Variants in GRIK4 observed in about 807,000 individuals in gnomAD.
GRIK4 encodes glutamate receptor ionotropic, kainate 4.
Under a neutral mutation model 104.9 loss-of-function variants are expected in GRIK4, and 40 were observed. The ratio of observed to expected loss-of-function variants is 0.38; its 90% CI spans 0.30 to 0.50. The LOEUF is 0.50. GRIK4 is among the 20% of genes least tolerant of loss of function. The pLI is 0.93. For missense variants in GRIK4, 1,047 were observed against 1,308.1 expected (o/e 0.80, Z 3.08); for synonymous variants, 485 against 524.9 (o/e 0.92, Z 1.04).
Position 120,513,480 on chromosome 11 carries a change from G to A in GRIK4, c.-159+1593G>A, listed in dbSNP as rs1947686359. ...ATGGCAGCCCCTGGAATTCCACTGG[G>A]CGTCATCATGCTGGCTTTATTTGCT... On this transcript the variant is annotated intron_variant, in intron 1 of 20. Transcript: ENST00000527524. This position sits in a 1 kb window ranked among gnomAD's most constrained non-coding sequence, Gnocchi z 4.5. Among the ~76,000 whole-genome samples the A allele has an allele frequency of 6.6e-6, 1 of 152,160 alleles. No individual in the cohort carries two copies. Among genetic ancestry groups the A allele is most frequent in the South Asian group, 2.1e-4 (1 of 4,834 alleles).
intron 3 of GRIK4, among the ~76,000 whole-genome samples, chr11:120,716,255 G>T: frequency 7.2e-6 from 1 of 138,920 alleles, no homozygotes; most frequent in Admixed American, 7.1e-5. Context: ...TTGGGGGGTG[G>T]GTGGGCGGGA....
chr11:120,662,016 A>G (rs1437479394), intron 3 of GRIK4, among the ~76,000 whole-genome samples: 1 of 152,188 alleles, frequency 6.6e-6, no homozygotes, highest in Non-Finnish European at 1.5e-5. Context: ...CCCTCTCTAA[A>G]TGAGTGAATA....
chr11:120,982,783 C>T (rs1944673843), intron 20 of GRIK4, among the ~76,000 whole-genome samples: 1 of 152,166 alleles, frequency 6.6e-6, no homozygotes, highest in Non-Finnish European at 1.5e-5. Flanking sequence ...ATCTCAGTCT[C>T]CCAACTCTGA....
Position 120,531,823 on chromosome 11 carries a change from G to T in GRIK4, c.-159+19936G>T, listed in dbSNP as rs146121986. On this transcript the variant is annotated intron_variant, in intron 1 of 20. Coordinates refer to ENST00000527524, the MANE Select transcript of GRIK4 (RefSeq NM_014619.5). ...ACTCCTGACCTCAGATGATCCACCC[G>T]CCTTGGTCTCCTAAGGTGCTGGGAT... Among the ~76,000 whole-genome samples, 143 of 152,174 alleles carry T rather than the reference G, an allele frequency of 9.4e-4. 3 individuals are homozygous for T. In the East Asian group the frequency reaches 0.026, roughly 27 times the overall value.
Position 120,590,182 on chromosome 11 carries a change from C to T in GRIK4, c.-158-63503C>T, listed in dbSNP as rs751092432. 1.6e-4 allele frequency among the ~76,000 whole-genome samples: 24 copies of T among 152,288 alleles called. 1 individual carries two copies. The Middle Eastern group carries it at 0.01, about 65-fold the overall frequency. On this transcript the variant is annotated intron_variant, in intron 1 of 20. Coordinates refer to ENST00000527524, the MANE Select transcript of GRIK4 (RefSeq NM_014619.5). Reference sequence around the variant, plus strand: ...AGCCTTCACCTTACCCCTGACCCTGCACCCTACTCATGACCCTGCACCTTG... The same window carrying T: ...AGCCTTCACCTTACCCCTGACCCTGTACCCTACTCATGACCCTGCACCTTG...
At chr11:120,520,819 C>T (rs1947788128) in intron 1 of GRIK4, among the ~76,000 whole-genome samples, 1 of 152,138 alleles carries the variant, frequency 6.6e-6, no homozygotes, top group Non-Finnish European at 1.5e-5. Flanking sequence ...CGTTATTGCT[C>T]CTGACAGCAT....
intron 7 of GRIK4, among the ~76,000 whole-genome samples, chr11:120,834,006 C>A (rs949077194): frequency 1.3e-5 from 2 of 152,162 alleles, no homozygotes; most frequent in Non-Finnish European, 2.9e-5. Flanking sequence ...TGTTTCAAAT[C>A]TTTTGCTACA....
chr11:120,978,429 C>T (rs186529235), intron 19 of GRIK4, among the ~76,000 whole-genome samples: 158 of 152,066 alleles, frequency 1.0e-3, no homozygotes, highest in African/African-American at 3.6e-3. Flanking sequence ...AGGTTCCAGG[C>T]AGAGGAATTA....
At chr11:120,591,818 T>A (rs1948737170) in intron 1 of GRIK4, among the ~76,000 whole-genome samples, 1 of 152,208 alleles carries the variant, frequency 6.6e-6, no homozygotes, top group Non-Finnish European at 1.5e-5. Flanking sequence ...AGTCCATGCC[T>A]CTTCCTCCTG....
chr11:120,674,958 T>C (rs1565288380), intron 3 of GRIK4, among the ~76,000 whole-genome samples: 1 of 152,234 alleles, frequency 6.6e-6, no homozygotes, highest in Non-Finnish European at 1.5e-5. Flanking sequence ...GGAATTTTCC[T>C]TGCACCTCCT....
chr11:120,579,939 C>T (rs1476337224), intron 1 of GRIK4, among the ~76,000 whole-genome samples: 2 of 152,086 alleles, frequency 1.3e-5, no homozygotes, highest in Non-Finnish European at 2.9e-5. Flanking sequence ...GACCACTGAT[C>T]GTGTTCAGAA....
chr11:120,680,467 C>T (rs774164788), intron 3 of GRIK4, among the ~76,000 whole-genome samples: 1 of 152,220 alleles, frequency 6.6e-6, no homozygotes, highest in African/African-American at 2.4e-5. Context: ...GCACCTCAGC[C>T]TCACCCCACA....
At chr11:120,698,457 T>C (rs1950492804) in intron 3 of GRIK4, among the ~76,000 whole-genome samples, 1 of 152,188 alleles carries the variant, frequency 6.6e-6, no homozygotes, top group South Asian at 2.1e-4. Context: ...ATAGGTAAAT[T>C]GCACAGAACT....
intron 1 of GRIK4, among the ~76,000 whole-genome samples, chr11:120,639,080 C>T (rs1201390765): frequency 2.0e-5 from 3 of 151,890 alleles, no homozygotes; most frequent in Admixed American, 6.6e-5. Context: ...CGCCTGTAAT[C>T]GCCCACTCAG....
intron 1 of GRIK4, among the ~76,000 whole-genome samples, chr11:120,595,184 T>C (rs774867124): frequency 3.0e-4 from 45 of 152,246 alleles, no homozygotes; most frequent in Non-Finnish European, 1.0e-4. Flanking sequence ...TCCCTGGCCT[T>C]GCAGCCCGTG....
At chr11:120,712,621 C>T (rs1167645280) in intron 3 of GRIK4, among the ~76,000 whole-genome samples, 1 of 138,576 alleles carries the variant, frequency 7.2e-6, no homozygotes. Context: ...GACCCTGTCT[C>T]TTAAAAAAAA....
intron 9 of GRIK4, chr11:120,871,505 C>T: frequency 2.4e-6 from 1 of 422,960 alleles, no homozygotes; most frequent in Non-Finnish European, 4.8e-6. Context: ...CCCACCTCAT[C>T]CTAGCTCAGC....
intron 1 of GRIK4, among the ~76,000 whole-genome samples, chr11:120,643,077 C>T (rs1949490281): frequency 6.6e-6 from 1 of 152,024 alleles, no homozygotes; most frequent in Non-Finnish European, 1.5e-5. Flanking sequence ...AGGCATTGTT[C>T]TAGGTGTTTA....
intron 19 of GRIK4, among the ~76,000 whole-genome samples, chr11:120,968,470 G>A (rs1944420792): frequency 6.6e-6 from 1 of 152,170 alleles, no homozygotes; most frequent in Admixed American, 6.5e-5. Flanking sequence ...GATATCATGT[G>A]CTTGTCTTTT....
Sources: allele counts gnomAD v4.1 joint callset (sites outside exome capture counted in the v4.1 genomes callset), GRCh38; gene constraint gnomAD v4.1.1; non-coding constraint Gnocchi (gnomAD v3.1); transcripts MANE v1.5; gene names NCBI Gene and HGNC (gene_info 2026-07-23, HGNC 2026-07-21).